Variants in UTP20 observed in about 807,000 individuals in gnomAD.
The protein encoded by UTP20 is small subunit processome component 20 homolog.
A neutral mutation model predicts 329.5 loss-of-function variants in UTP20; 164 were observed. The ratio of observed to expected loss-of-function variants is 0.50; its 90% confidence interval spans 0.44 to 0.57. UTP20 has a LOEUF of 0.57. Ranked by LOEUF, UTP20 falls within the 20% of genes least tolerant of loss-of-function variation. The pLI, the probability that UTP20 is intolerant of heterozygous loss-of-function variation, is 0.00. For synonymous variants in UTP20, 1,151 were observed against 1,159.3 expected (o/e 0.99, Z 0.14); for missense variants, 3,055 against 3,284.2 (o/e 0.93, Z 1.71).
chr12:101,346,324 A>T, intron 37 of UTP20, 127 bp from the exon 38 acceptor site: 1 of 1,134,400 alleles, frequency 8.8e-7, no homozygotes, highest in Non-Finnish European at 1.2e-6. Flanking sequence ...TGCTAGGATT[A>T]CAGGCATGAG....
In UTP20 at chr12:101,312,281, G is replaced by A; in HGVS notation, c.2552+5G>A. On this transcript the variant is annotated splice_donor_5th_base_variant and intron_variant, in intron 21 of 61. Transcript: ENST00000261637. The stretch of plus-strand genomic sequence containing the variant: ...GCTTTTCTTGAGATTTATCAAGTAA[G>A]TTTCCTCTTCTAAGAATATGTCCCT... The A allele has an allele frequency of 6.2e-7, 1 of 1,613,620 alleles. No individual in the cohort carries two copies. Among genetic ancestry groups the A allele is most frequent in the Non-Finnish European group, 8.5e-7 (1 of 1,179,912 alleles).
chr12:101,333,162 C>CA (rs1868815029), intron 27 of UTP20, 139 bp from the exon 28 acceptor site: 1 of 785,214 alleles, frequency 1.3e-6, no homozygotes, highest in Non-Finnish European at 2.0e-6. Flanking sequence ...TTGGTGTTCC[C>CA]ATGTAAATCA....
At chr12:101,329,510 A>C in intron 27 of UTP20, 61 bp downstream of exon 27, 1 of 1,521,962 alleles carries the variant, frequency 6.6e-7, no homozygotes, top group Non-Finnish European at 9.0e-7. Flanking sequence ...TTGGATTTTA[A>C]TTCCAAGAGC....
At chr12:101,346,177 G>A (rs554543057) in intron 37 of UTP20, among the ~76,000 whole-genome samples, 3 of 152,022 alleles carry the variant, frequency 2.0e-5, no homozygotes, top group Non-Finnish European at 4.4e-5. Flanking sequence ...TCAGCGTCCT[G>A]AGTAGCTGGG....
intron 27 of UTP20, among the ~76,000 whole-genome samples, 155 bp from the exon 28 acceptor site, chr12:101,333,146 G>C (rs1593436851): frequency 1.3e-5 from 2 of 152,310 alleles, no homozygotes; most frequent in Admixed American, 1.3e-4. Context: ...AAGACAGTTT[G>C]CTTGGTTGGT....
chr12:101,301,645 G>A (rs890119104), intron 14 of UTP20, among the ~76,000 whole-genome samples: 7 of 152,140 alleles, frequency 4.6e-5, no homozygotes, highest in Non-Finnish European at 1.5e-5. Flanking sequence ...TCCAGCCTGA[G>A]CGATGGAGCA....
chr12:101,338,523 G>A (rs1011851647), intron 30 of UTP20, among the ~76,000 whole-genome samples: 8 of 152,130 alleles, frequency 5.3e-5, no homozygotes, highest in Admixed American at 3.9e-4. Flanking sequence ...CTACTGTCAT[G>A]TCTCTACATT....
At chr12:101,372,418 T>C (rs891647850) in intron 51 of UTP20, among the ~76,000 whole-genome samples, 4 of 152,224 alleles carry the variant, frequency 2.6e-5, no homozygotes, top group African/African-American at 9.6e-5. Context: ...GAGATTTAAC[T>C]GAGAAACACT....
At chr12:101,331,373 G>C (rs1456664392) in intron 27 of UTP20, among the ~76,000 whole-genome samples, 1 of 152,068 alleles carries the variant, frequency 6.6e-6, no homozygotes, top group Non-Finnish European at 1.5e-5. Context: ...CAAATATCAG[G>C]GATAATTTTT....
At chr12:101,295,436 A>C (rs1313662941) in intron 11 of UTP20, 44 bp from the exon 12 acceptor site, 1 of 1,481,948 alleles carries the variant, frequency 6.7e-7, no homozygotes. Context: ...TCTTCTCTTT[A>C]TTATATCTGT....
Position 101,362,137 on chromosome 12 carries a change from AAAT to A in UTP20, c.5790+85_5790+87del. 6 of 1,019,486 alleles carry A rather than the reference AAAT, an allele frequency of 5.9e-6. 1 individual carries two copies. The highest frequency in any genetic ancestry group is 5.3e-5 in the South Asian group (4 of 74,994). The allele number at this position is 1,019,486 out of a possible 1,614,324, so 63.2% of individuals were successfully genotyped here. Reference sequence around the variant, plus strand: ...CAAAAAAATCAATTCACCAAATAAGAAATAATAATAGCCCATAAAAATGAAAAT... The same window carrying A: ...CAAAAAAATCAATTCACCAAATAAGAAATAATAGCCCATAAAAATGAAAAT... On this transcript the variant is annotated intron_variant, in intron 44 of 61. Transcript: ENST00000261637.
chr12:101,378,738 A>G (rs1870553439), intron 56 of UTP20, among the ~76,000 whole-genome samples: 1 of 152,164 alleles, frequency 6.6e-6, no homozygotes, highest in Admixed American at 6.5e-5. Context: ...AAGAAAAAAA[A>G]GAAAATGTAA....
chr12:101,308,222 T>A lies in UTP20; in HGVS notation c.2033T>A (p.Ile678Lys). The change falls in exon 18 of 62, where the codon ATA becomes AAA. Residue 678 changes from isoleucine (I) to lysine (K), a missense_variant. This residue lies in a region of UTP20 where 2,445 missense variants were observed against 2,575.5 expected (regional missense o/e 0.95). Transcript: ENST00000261637. ...TCAGAGCGGCAGTCTGTCTTTGCTATATTACGCCAGGCAGAACTTGTTCCA... is the reference window on the plus strand; with the variant it reads ...TCAGAGCGGCAGTCTGTCTTTGCTAAATTACGCCAGGCAGAACTTGTTCCA... ...GLSERQSVFA[I>K]LRQAELVPAT... 6.2e-7 allele frequency: 1 copy of A among 1,612,894 alleles called. No homozygotes were observed. The highest frequency in any genetic ancestry group is 8.5e-7 in the Non-Finnish European group (1 of 1,179,456).
At chr12:101,370,277 A>G (rs1377079680) in intron 49 of UTP20, among the ~76,000 whole-genome samples, 155 bp from the exon 50 acceptor site, 1 of 152,196 alleles carries the variant, frequency 6.6e-6, no homozygotes, top group African/African-American at 2.4e-5. Flanking sequence ...CTTTGTGGTT[A>G]TGGCCAAAAT....
Position 101,356,460 on chromosome 12 carries a change from T to C in UTP20, c.5395-94T>C, listed in dbSNP as rs769687777. 219 of 1,145,326 alleles carry C rather than the reference T, an allele frequency of 1.9e-4. 1 individual carries two copies. Among genetic ancestry groups the C allele is most frequent in the Non-Finnish European group, 2.4e-4 (202 of 827,012 alleles). The allele number at this position is 1,145,326 out of a possible 1,614,324, so 70.9% of individuals were successfully genotyped here. ...TTCTTTTTATGATCATCCATCCTTC[T>C]AGAAAAACTTGTCTTTCAAATACAA... On this transcript the variant is annotated intron_variant, in intron 41 of 61. Coordinates refer to ENST00000261637, the MANE Select transcript of UTP20 (RefSeq NM_014503.3).
In UTP20 at chr12:101,375,003, A is replaced by G. The variant is rs183154155; in HGVS notation, c.7263+64A>G. On this transcript the variant is annotated intron_variant, in intron 55 of 61. Coordinates refer to ENST00000261637, the MANE Select transcript of UTP20 (RefSeq NM_014503.3). Reference sequence around the variant, plus strand: ...TAGTTTTACTTGAGGTGATGTAGCTAACAGATTAGATATCAGCTTATAGGT... The same window carrying G: ...TAGTTTTACTTGAGGTGATGTAGCTGACAGATTAGATATCAGCTTATAGGT... The G allele has an allele frequency of 3.6e-5, 43 of 1,182,472 alleles. 1 individual carries two copies. In the East Asian group the frequency reaches 8.2e-4, roughly 22 times the overall value. The allele number at this position is 1,182,472 out of a possible 1,614,324, so 73.2% of individuals were successfully genotyped here.
rs1332160486 is a variant in UTP20 at position 101,317,663 on chromosome 12, A to G, written c.2738A>G (p.Lys913Arg). 3 of 1,605,018 alleles carry G rather than the reference A, an allele frequency of 1.9e-6. No homozygotes were observed. Among genetic ancestry groups the G allele is most frequent in the Admixed American group, 1.7e-5 (1 of 58,670 alleles). Residue 913 changes from lysine (K) to arginine (R), a missense_variant and splice_region_variant, in exon 22 of 62, where the codon AAG becomes AGG. Lys to Arg is a conservative substitution (Grantham distance 26). Coordinates refer to ENST00000261637, the MANE Select transcript of UTP20 (RefSeq NM_014503.3). Reference sequence around the variant, plus strand: ...AAAAAGACGAGGAGAGCTGCAGCAAAGTAAGTTCACCATTGCTGAAAGATC... The same window carrying G: ...AAAAAGACGAGGAGAGCTGCAGCAAGGTAAGTTCACCATTGCTGAAAGATC... ...QKKKTRRAAA[K>R]QLIAHLQVFS...
At chr12:101,365,274 G>A (rs536070281) in intron 45 of UTP20, among the ~76,000 whole-genome samples, 185 bp from the exon 46 acceptor site, 29 of 152,080 alleles carry the variant, frequency 1.9e-4, no homozygotes, top group Non-Finnish European at 2.4e-4. Flanking sequence ...TCCTGGGATT[G>A]AGATTATAGT....
rs558190821 is a variant in UTP20 at position 101,297,027 on chromosome 12, G to A, written c.1430+1369G>A. Among the ~76,000 whole-genome samples the A allele has an allele frequency of 2.5e-4, 38 of 152,006 alleles. 1 individual carries two copies. The South Asian group carries it at 7.5e-3, about 30-fold the overall frequency. ...TATTTCTCTTGGAGTAGTTAGACCC[G>A]TTGTTGTGTTTTTGGTTTGCTTTGA... On this transcript the variant is annotated intron_variant, in intron 12 of 61. Transcript: ENST00000261637.
Sources: gnomAD v4.1 joint callset for allele counts (sites outside exome capture counted in the v4.1 genomes callset) on GRCh38, gnomAD v4.1.1 for gene constraint, gnomAD v4.1.1 regional missense constraint, MANE v1.5 for transcripts, NCBI Gene and HGNC (gene_info 2026-07-23, HGNC 2026-07-21) for gene names.